The following CD200R1L variants were observed in gnomAD, a reference collection of about 807,000 sequenced individuals.
CD200R1L encodes CD200 receptor 1 like, also known as cell surface glycoprotein CD200 receptor 2.
CD200R1L carries 14 observed loss-of-function variants against 24.8 expected under a neutral mutation model. The observed-to-expected ratio is 0.56, with a 90% CI of 0.37 to 0.88. CD200R1L has a LOEUF of 0.88. Ranked by LOEUF, CD200R1L falls within the 40% of genes least tolerant of loss-of-function variation. The pLI, the probability that CD200R1L is intolerant of heterozygous loss-of-function variation, is 0.00. For missense variants in CD200R1L, 299 were observed against 297.8 expected, an observed-to-expected ratio of 1.00 and a Z score of -0.03; for synonymous variants, 111 against 109.2, an observed-to-expected ratio of 1.02 and a Z score of -0.11.
In CD200R1L at chr3:112,819,696, A is replaced by T; in HGVS notation, c.740+76T>A. 3 of 1,455,006 alleles carry T rather than the reference A, an allele frequency of 2.1e-6. No individual in the cohort carries two copies. In the South Asian group the frequency reaches 4.5e-5, roughly 22 times the overall value. 90.1% of individuals were successfully genotyped at this position (1,455,006 alleles called of 1,614,324 possible). ...AAAAGTGTCAAGCTTTTCCCAGTACATTGTAAACTCAAAATGTTACAATGA... is the reference window on the plus strand; with the variant it reads ...AAAAGTGTCAAGCTTTTCCCAGTACTTTGTAAACTCAAAATGTTACAATGA... On this transcript the variant is annotated intron_variant, in intron 7 of 7. Coordinates refer to ENST00000488794, the MANE Select transcript of CD200R1L (RefSeq NM_001199215.3).
intron 3 of CD200R1L, among the ~76,000 whole-genome samples, chr3:112,835,276 T>C (rs1368984240): frequency 6.6e-6 from 1 of 152,150 alleles, no homozygotes; most frequent in Non-Finnish European, 1.5e-5. Context: ...GAGTGTTTGG[T>C]TCCTAGTAGA....
intron 1 of CD200R1L, 52 bp downstream of exon 1, chr3:112,846,573 A>C (rs1311858872): frequency 6.6e-6 from 1 of 152,218 alleles, no homozygotes; most frequent in Non-Finnish European, 1.5e-5. Flanking sequence ...TCATGGTTGA[A>C]TAGTGCAACC....
rs193044340 is a variant in CD200R1L, at chr3:112,846,724, G to A, written c.-458C>T. 6.6e-6 allele frequency: 1 copy of A among 152,264 alleles called. No individual in the cohort carries two copies. The highest frequency in any genetic ancestry group is 1.9e-4 in the East Asian group (1 of 5,190). 9.4% of individuals were successfully genotyped at this position (152,264 alleles called of 1,614,324 possible). ...ATTGGTCCCTAATCCAATATGACTG[G>A]CGTCTTTGGTTTATTCTTTTTTTCT... On this transcript the variant is annotated 5_prime_UTR_variant, in exon 1 of 8. Coordinates refer to ENST00000488794, the MANE Select transcript of CD200R1L (RefSeq NM_001199215.3).
chr3:112,838,570 A>G (rs572797517), intron 2 of CD200R1L, among the ~76,000 whole-genome samples: 1 of 152,272 alleles, frequency 6.6e-6, no homozygotes, highest in Non-Finnish European at 1.5e-5. Context: ...GCTGGTCTCA[A>G]TAACAGAAAG....
At chr3:112,843,837 G>A (rs1939136649) in intron 2 of CD200R1L, among the ~76,000 whole-genome samples, 2 of 152,098 alleles carry the variant, frequency 1.3e-5, no homozygotes, top group Non-Finnish European at 2.9e-5. Flanking sequence ...CACACAGGCT[G>A]AAAGTAAAGG....
chr3:112,815,934 A>G lies in CD200R1L; in HGVS notation c.*29T>C, dbSNP rs1279374474. ...ATGTTGCAGTCCAGAGACAAGGAGG[A>G]GAAGCAAAAGAAGACCCTTCCTTCT... is the stretch of plus-strand genomic sequence containing the variant. On this transcript the variant is annotated 3_prime_UTR_variant, in exon 8 of 8. Coordinates refer to ENST00000488794, the MANE Select transcript of CD200R1L (RefSeq NM_001199215.3). The G allele has an allele frequency of 2.6e-6, 2 of 780,328 alleles. No individual in the cohort carries two copies. Among genetic ancestry groups the G allele is most frequent in the African/African-American group, 3.4e-5 (2 of 59,112 alleles). 48.3% of individuals were successfully genotyped at this position (780,328 alleles called of 1,614,324 possible). A position where few individuals can be genotyped will look rare whatever the true frequency, so the allele number is the denominator to read the frequency against.
rs1019828732 is a variant in CD200R1L, at chr3:112,820,674, G to A, written c.617-779C>T. On this transcript the variant is annotated intron_variant, in intron 6 of 7. Transcript: ENST00000488794. ...TCAAACTCCTGACCTCAGGTGATCCGCCCGCCTCAGCCTCCCAAAGTGCTG... is the reference window on the plus strand; with the variant it reads ...TCAAACTCCTGACCTCAGGTGATCCACCCGCCTCAGCCTCCCAAAGTGCTG... 5.9e-3 allele frequency among the ~76,000 whole-genome samples: 885 copies of A among 151,150 alleles called. 9 individuals are homozygous for A. The highest frequency in any genetic ancestry group is 0.02 in the African/African-American group (828 of 41,380).
chr3:112,836,896 T>A lies in CD200R1L; in HGVS notation c.-18+1046A>T, dbSNP rs975350544. Among the ~76,000 whole-genome samples the A allele has an allele frequency of 1.2e-3, 187 of 152,210 alleles. 1 individual carries two copies. Among genetic ancestry groups the A allele is most frequent in the Non-Finnish European group, 2.6e-4 (18 of 68,024 alleles). The stretch of plus-strand genomic sequence containing the variant: ...CAGGATTTGATATCTGAGTTATACT[T>A]GTAAAATTTAGAAAACATTTCTCCT... On this transcript the variant is annotated intron_variant, in intron 3 of 7. Coordinates refer to ENST00000488794, the MANE Select transcript of CD200R1L (RefSeq NM_001199215.3).
Position 112,826,928 on chromosome 3 carries a change from G to A in CD200R1L, c.616+65C>T, listed in dbSNP as rs373018786. On this transcript the variant is annotated intron_variant, in intron 6 of 7. Transcript: ENST00000488794. The stretch of plus-strand genomic sequence containing the variant: ...TTTCTTACCTGCTGTTTGGTTATTC[G>A]TTATTTTCTATGGAAGAAAAAGTTG... 59 of 1,500,154 alleles carry A rather than the reference G, an allele frequency of 3.9e-5. No individual in the cohort carries two copies. In the African/African-American group the frequency reaches 4.4e-4, roughly 11 times the overall value. 92.9% of individuals were successfully genotyped at this position (1,500,154 alleles called of 1,614,324 possible). A position where few individuals can be genotyped will look rare whatever the true frequency, so the allele number is the denominator to read the frequency against.
chr3:112,846,412 G>A (rs1375667857), intron 1 of CD200R1L, among the ~76,000 whole-genome samples: 1 of 152,206 alleles, frequency 6.6e-6, no homozygotes, highest in African/African-American at 2.4e-5. Context: ...CATTATCCCA[G>A]TTTGGGGCTA....
chr3:112,818,761 T>C (rs1207742978), intron 7 of CD200R1L: 1 of 154,402 alleles, frequency 6.5e-6, no homozygotes, highest in Non-Finnish European at 1.5e-5. Context: ...TTGTTTCACA[T>C]TTGCAAATAA....
At chr3:112,840,434 C>A (rs1260390087) in intron 2 of CD200R1L, among the ~76,000 whole-genome samples, 1 of 152,110 alleles carries the variant, frequency 6.6e-6, no homozygotes, top group Non-Finnish European at 1.5e-5. Flanking sequence ...TTTTAAACAA[C>A]CAGATCTCAT....
chr3:112,836,058 T>C (rs542931587), intron 3 of CD200R1L, among the ~76,000 whole-genome samples: 2 of 152,360 alleles, frequency 1.3e-5, no homozygotes, highest in East Asian at 1.9e-4. Context: ...GCAGTGTGTC[T>C]TGACTGTGCC....
chr3:112,823,193 C>T (rs1938580675), intron 6 of CD200R1L, among the ~76,000 whole-genome samples: 1 of 152,198 alleles, frequency 6.6e-6, no homozygotes, highest in African/African-American at 2.4e-5. Context: ...GACCCCATTC[C>T]TTTGGAGTCT....
intron 7 of CD200R1L, chr3:112,818,880 A>G (rs540113824): frequency 6.5e-6 from 1 of 154,506 alleles, no homozygotes; most frequent in South Asian, 2.0e-4. Flanking sequence ...AGTCTGAAAC[A>G]GATCTTGGTA....
intron 2 of CD200R1L, among the ~76,000 whole-genome samples, chr3:112,840,317 G>A (rs1455547914): frequency 6.6e-6 from 1 of 152,188 alleles, no homozygotes; most frequent in Non-Finnish European, 1.5e-5. Context: ...TCTGCTTCTG[G>A]GAGGGCCTCA....
At chr3:112,844,512 T>C (rs1002573375) in intron 2 of CD200R1L, among the ~76,000 whole-genome samples, 1 of 152,198 alleles carries the variant, frequency 6.6e-6, no homozygotes, top group Admixed American at 6.5e-5. Flanking sequence ...AACAGAGGCA[T>C]GACATATAAA....
At chr3:112,829,615 T>C (rs984289870) in intron 3 of CD200R1L, 1 of 885,238 alleles carries the variant, frequency 1.1e-6, no homozygotes, top group African/African-American at 1.8e-5. Context: ...TTCTCATTCA[T>C]GAGATGCTTT....
At chr3:112,840,287 G>A (rs940379778) in intron 2 of CD200R1L, among the ~76,000 whole-genome samples, 3 of 152,182 alleles carry the variant, frequency 2.0e-5, no homozygotes, top group East Asian at 3.8e-4. Context: ...TCTTCAGGCT[G>A]TATGGGATGC....
Sources: allele counts gnomAD v4.1 joint callset (sites outside exome capture counted in the v4.1 genomes callset), GRCh38; gene constraint gnomAD v4.1.1; transcripts MANE v1.5; gene names NCBI Gene and HGNC (gene_info 2026-07-23, HGNC 2026-07-21).